PLB1: variants seen among roughly 807,000 people sequenced by gnomAD.
The protein encoded by PLB1 is phospholipase B1, membrane-associated.
Under a neutral mutation model 227.4 loss-of-function variants are expected in PLB1, and 242 were observed. That is an observed-to-expected ratio of 1.06 (90% confidence interval 0.96 to 1.18). PLB1 has a LOEUF of 1.18. Ranked by LOEUF, PLB1 falls within the 50% of genes most tolerant of loss-of-function variation. The probability of loss-of-function intolerance (pLI) is 0.00; values close to 1 mark genes in which losing one functional copy is unlikely to be tolerated. For missense variants in PLB1, 1,858 were observed against 1,816.3 expected (o/e 1.02, Z -0.42); for synonymous variants, 757 against 682.2 (o/e 1.11, Z -1.71).
At chr2:28,528,941 C>CTTTT (rs201087238) in intron 6 of PLB1, among the ~76,000 whole-genome samples, 4 of 109,432 alleles carry the variant, frequency 3.7e-5, no homozygotes, top group African/African-American at 1.1e-4. Flanking sequence ...GGGAGTCAGT[C>CTTTT]TTTTTTTTTT....
chr2:28,581,917 C>T (rs145046116), intron 23 of PLB1, 151 bp from the exon 24 acceptor site: 74 of 629,728 alleles, frequency 1.2e-4, no homozygotes, highest in Admixed American at 2.1e-4. Flanking sequence ...GCCATGATCA[C>T]ACCACTGCAC....
At chr2:28,633,304 C>T (rs1447408992) in intron 56 of PLB1, 1 of 447,402 alleles carries the variant, frequency 2.2e-6, no homozygotes. Flanking sequence ...GCGAGGGGAT[C>T]CCTTTGTAAT....
intron 17 of PLB1, among the ~76,000 whole-genome samples, chr2:28,553,699 G>C (rs542274391): frequency 7.5e-4 from 112 of 149,476 alleles, no homozygotes; most frequent in Admixed American, 2.4e-3. Flanking sequence ...TGGTCCTAAA[G>C]GGGGGGGACT....
intron 46 of PLB1, among the ~76,000 whole-genome samples, chr2:28,619,715 A>T (rs1573481096): frequency 6.6e-6 from 1 of 152,072 alleles, no homozygotes; most frequent in African/African-American, 2.4e-5. Context: ...TTCCAAAATA[A>T]TGGCAGGTAA....
chr2:28,583,121 C>G (rs1210724968), intron 25 of PLB1, among the ~76,000 whole-genome samples: 1 of 152,182 alleles, frequency 6.6e-6, no homozygotes. Flanking sequence ...AGCTGGCTTC[C>G]CCTTCTAATA....
intron 1 of PLB1, among the ~76,000 whole-genome samples, chr2:28,514,491 G>C (rs1278788677): frequency 2.6e-5 from 4 of 151,926 alleles, no homozygotes; most frequent in African/African-American, 9.7e-5. Flanking sequence ...GTCTTTTAAT[G>C]GTTCCAAAAA....
intron 25 of PLB1, among the ~76,000 whole-genome samples, chr2:28,585,275 CTT>C (rs368423519): frequency 6.9e-6 from 1 of 145,056 alleles, no homozygotes. Flanking sequence ...AGGAATTTTT[CTT>C]TTTTTTTTTT....
chr2:28,502,903 T>C (rs1407972803), intron 1 of PLB1, among the ~76,000 whole-genome samples: 1 of 152,156 alleles, frequency 6.6e-6, no homozygotes, highest in Non-Finnish European at 1.5e-5. Context: ...TCAATTTCTT[T>C]AGCACTTATA....
chr2:28,629,098 C>T lies in PLB1; in HGVS notation c.3731C>T (p.Pro1244Leu), dbSNP rs758807850. 2 of 1,613,680 alleles carry T rather than the reference C, an allele frequency of 1.2e-6. No individual in the cohort carries two copies. Among genetic ancestry groups the T allele is most frequent in the East Asian group, 2.2e-5 (1 of 44,866 alleles). Residue 1244 changes from proline (P) to leucine (L), a missense_variant, in exon 53 of 58, where the codon CCA becomes CTA. Physicochemically the swap from Pro to Leu is moderately conservative, Grantham distance 98. Transcript: ENST00000327757. ...QALDILSEELPRAFVNVVEVM... is the reference protein window; with the variant it reads ...QALDILSEELLRAFVNVVEVM... ...ACCACCCTCCACTCCCTGCAGCTCC[C>T]AAGGGCTTTCGTCAACGTGGTGGAG...
At chr2:28,628,537 A>C (rs1489012744) in intron 51 of PLB1, 26 bp from the exon 52 acceptor site, 1 of 1,611,980 alleles carries the variant, frequency 6.2e-7, no homozygotes, top group East Asian at 2.2e-5. Context: ...CCAGGGGCTA[A>C]AGAGAGTACC....
intron 43 of PLB1, among the ~76,000 whole-genome samples, 159 bp downstream of exon 43, chr2:28,606,726 A>G (rs749327637): frequency 6.6e-6 from 1 of 152,274 alleles, no homozygotes; most frequent in East Asian, 1.9e-4. Context: ...GAGGATGGAC[A>G]GGGGAGGTGA....
rs1026635228 is a variant in PLB1, at chr2:28,540,461, C to T, written c.774+20C>T. The T allele has an allele frequency of 2.5e-6, 4 of 1,610,506 alleles. No homozygotes were observed. The highest frequency in any genetic ancestry group is 3.4e-6 in the Non-Finnish European group (4 of 1,177,498). On this transcript the variant is annotated intron_variant, in intron 12 of 57. Transcript: ENST00000327757. ...TATCAGGTGAGCCCAACCTGGGATCCCAAGCTGCTGGCTCACCGGGGTGGC... is the reference window on the plus strand; with the variant it reads ...TATCAGGTGAGCCCAACCTGGGATCTCAAGCTGCTGGCTCACCGGGGTGGC...
At chr2:28,548,817 C>T in intron 14 of PLB1, 43 bp from the exon 15 acceptor site, 1 of 1,598,994 alleles carries the variant, frequency 6.3e-7, no homozygotes, top group Non-Finnish European at 8.6e-7. Context: ...AGGCTGCTAC[C>T]TGCACAAAAC....
intron 26 of PLB1, among the ~76,000 whole-genome samples, chr2:28,587,177 G>T (rs1042174702): frequency 2.6e-5 from 4 of 152,198 alleles, no homozygotes; most frequent in Non-Finnish European, 5.9e-5. Flanking sequence ...GTTACTGGGT[G>T]CACGCAACTA....
At position 28,582,429 on chromosome 2, in the gene PLB1, G is replaced by A. The variant is rs1175703365; in HGVS notation, c.1657G>A (p.Val553Met). The A allele has an allele frequency of 6.2e-7, 1 of 1,613,364 alleles. No homozygotes were observed. Among genetic ancestry groups the A allele is most frequent in the South Asian group, 1.1e-5 (1 of 90,778 alleles). ...GGTTCCTCGGGCATTTGTGAACCTGGTGACGGTGCTTGAGATCGTCAACCT... is the reference window on the plus strand; with the variant it reads ...GGTTCCTCGGGCATTTGTGAACCTGATGACGGTGCTTGAGATCGTCAACCT... Reference protein sequence around the residue: ...AEVPRAFVNLVTVLEIVNLRE... With the variant: ...AEVPRAFVNLMTVLEIVNLRE... The change falls in exon 25 of 58, where the codon GTG (valine) becomes ATG (methionine). Residue 553 changes from valine to methionine, a missense_variant. Coordinates refer to ENST00000327757, the MANE Select transcript of PLB1 (RefSeq NM_153021.5).
At chr2:28,547,626 C>A (rs1035273770) in intron 14 of PLB1, among the ~76,000 whole-genome samples, 1 of 152,128 alleles carries the variant, frequency 6.6e-6, no homozygotes, top group African/African-American at 2.4e-5. Context: ...CTGCCCCATC[C>A]AGTAGCTTCC....
chr2:28,626,557 C>T (rs762261614), intron 51 of PLB1, 49 bp downstream of exon 51: 6 of 1,527,068 alleles, frequency 3.9e-6, no homozygotes, highest in South Asian at 1.1e-5. Context: ...AGGTGCTGAC[C>T]TCTGGCAACA....
chr2:28,548,720 TG>T, intron 14 of PLB1, 139 bp from the exon 15 acceptor site: 1 of 774,050 alleles, frequency 1.3e-6, no homozygotes, highest in Non-Finnish European at 2.2e-6. Context: ...CTCAGTAGTT[TG>T]GGGATGGGGG....
rs1323260970 is a variant in PLB1, at chr2:28,633,043, AGCAGCCAAGGGCCTGGTGG to A, written c.4098+7_4098+25del. 4.3e-6 allele frequency: 7 copies of A among 1,613,346 alleles called. No homozygotes were observed. Among genetic ancestry groups the A allele is most frequent in the Non-Finnish European group, 5.9e-6 (7 of 1,179,520 alleles). On this transcript the variant is annotated splice_donor_5th_base_variant and intron_variant, in intron 56 of 57. Transcript: ENST00000327757. ...CATCGCACTCTGGAACAACATGGTG[AGCAGCCAAGGGCCTGGTGG>A]GCCTTGTCAAGGGGGGATCTAAGGA...
Sources: allele counts gnomAD v4.1 joint callset (sites outside exome capture counted in the v4.1 genomes callset), GRCh38; gene constraint gnomAD v4.1.1; transcripts MANE v1.5; gene names NCBI Gene and HGNC (gene_info 2026-07-23, HGNC 2026-07-21).